The following EML2 variants were observed in gnomAD, a reference collection of about 807,000 sequenced individuals.
EML2 encodes the protein EMAP like 2, also known as echinoderm microtubule-associated protein-like 2.
EML2 carries 59 observed loss-of-function variants against 84.7 expected under a neutral mutation model. The ratio of observed to expected loss-of-function variants is 0.70; its 90% CI spans 0.56 to 0.86. The LOEUF is 0.86. Among genes scored for constraint, EML2 ranks in the 40% least tolerant of loss-of-function variants. EML2 has a pLI of 0.00. For missense variants in EML2, 818 were observed against 855.6 expected (o/e 0.96, Z 0.55); for synonymous variants, 352 against 348.9 (o/e 1.01, Z -0.10).
rs1971696736 is a variant in EML2, at chr19:45,621,507, G to A, written c.972C>T (p.Asp324=). ...RDRRVVLWGS[D]YSKLQEVEVP... is the part of the protein sequence containing the mutation. The stretch of plus-strand genomic sequence containing the variant: ...CCTCCACTTCCTGCAGCTTGCTGTA[G>A]TCAGAACCCCAGAGGACCACCCGCC... The change falls in exon 10 of 19, where the codon GAC becomes GAT. Residue 324 remains aspartate (D), a synonymous_variant. Transcript: ENST00000245925. The A allele has an allele frequency of 1.2e-6, 2 of 1,611,650 alleles. No individual in the cohort carries two copies. Among genetic ancestry groups the A allele is most frequent in the African/African-American group, 2.7e-5 (2 of 74,922 alleles).
upstream of EML2, chr19:45,641,340 C>G: frequency 2.6e-6 from 1 of 381,032 alleles, no homozygotes; most frequent in Non-Finnish European, 4.9e-6. Context: ...GGGGCCTCTC[C>G]TGTACCTTAA....
intron 6 of EML2, 51 bp from the exon 7 acceptor site, chr19:45,630,097 ATC>A: frequency 1.4e-6 from 2 of 1,383,224 alleles, no homozygotes; most frequent in Non-Finnish European, 2.0e-6. Context: ...GTCAGGGCCC[ATC>A]CTCCCCCCAT....
rs554210105 is a variant in EML2 at position 45,629,861 on chromosome 19, G to A, written c.606+90C>T. On this transcript the variant is annotated intron_variant, in intron 7 of 18. Transcript: ENST00000245925. ...AGGAGTAAAGCCAGGGCTTAAACAC[G>A]GGTCTATCTGATTGCAGACTCCTAA... 4.8e-5 allele frequency: 49 copies of A among 1,016,850 alleles called. No homozygotes were observed. In the East Asian group the frequency reaches 9.9e-4, roughly 21 times the overall value. 63.0% of individuals were successfully genotyped at this position (1,016,850 alleles called of 1,614,324 possible).
chr19:45,613,292 A>G (rs1210851849), intron 18 of EML2, among the ~76,000 whole-genome samples: 2 of 152,226 alleles, frequency 1.3e-5, no homozygotes, highest in African/African-American at 4.8e-5. Flanking sequence ...GTTAACAAGG[A>G]TAAAAGAACC....
chr19:45,621,784 GC>G, intron 9 of EML2, 147 bp from the exon 10 acceptor site: 1 of 952,370 alleles, frequency 1.1e-6, no homozygotes, highest in Non-Finnish European at 1.5e-6. Context: ...TCTCTCTGTT[GC>G]CCAGGCTGGA....
intron 6 of EML2, among the ~76,000 whole-genome samples, chr19:45,632,171 G>A (rs1973125445): frequency 6.8e-6 from 1 of 146,460 alleles, no homozygotes; most frequent in Non-Finnish European, 1.5e-5. Flanking sequence ...AGGATTACAG[G>A]CGTGAGCCAC....
upstream of EML2, chr19:45,642,498 C>A: frequency 1.4e-6 from 2 of 1,429,912 alleles, no homozygotes; most frequent in Non-Finnish European, 1.8e-6. Flanking sequence ...TGGACATGAG[C>A]CAAGGAAGAG....
At chr19:45,642,096 G>A, upstream of EML2, 2 of 1,460,418 alleles carry the variant, frequency 1.4e-6, no homozygotes, top group Non-Finnish European at 9.0e-7. Context: ...CCAGGCCCCG[G>A]TCCTCCCCAT....
intron 4 of EML2, among the ~76,000 whole-genome samples, 177 bp from the exon 5 acceptor site, chr19:45,633,316 GACTT>G (rs1003463256): frequency 8.5e-5 from 13 of 152,192 alleles, no homozygotes; most frequent in African/African-American, 2.9e-4. Flanking sequence ...TCAGAAGCAA[GACTT>G]AGGCCTGGGG....
chr19:45,642,326 T>C, upstream of EML2: 32 of 1,534,612 alleles, frequency 2.1e-5, no homozygotes, highest in Non-Finnish European at 2.8e-5. Flanking sequence ...TCCACTTCCA[T>C]ACCGCTCGTG....
chr19:45,630,788 AT>A (rs1972941059), intron 6 of EML2, among the ~76,000 whole-genome samples: 1 of 152,198 alleles, frequency 6.6e-6, no homozygotes. Context: ...TATATAGAGA[AT>A]GACTGATGTA....
chr19:45,619,282 A>T, intron 11 of EML2, 91 bp from the exon 12 acceptor site: 1 of 1,461,920 alleles, frequency 6.8e-7, no homozygotes, highest in Non-Finnish European at 9.1e-7. Context: ...GATGAGCCCC[A>T]GCAACTCACC....
chr19:45,638,000 C>T (rs981909310), intron 3 of EML2, among the ~76,000 whole-genome samples: 2 of 151,978 alleles, frequency 1.3e-5, no homozygotes, highest in Non-Finnish European at 2.9e-5. Flanking sequence ...CCTGTAAAGA[C>T]GAGGTCTTGC....
upstream of EML2, chr19:45,642,333 C>T (rs914061949): frequency 1.4e-5 from 21 of 1,531,884 alleles, no homozygotes; most frequent in Admixed American, 2.0e-5. Flanking sequence ...CCATACCGCT[C>T]GTGCCCGACA....
upstream of EML2, chr19:45,639,484 A>T (rs1328209930): frequency 8.7e-7 from 1 of 1,146,108 alleles, no homozygotes; most frequent in Non-Finnish European, 1.1e-6. Flanking sequence ...CGCCCTCCAC[A>T]GCCACCCCTG....
intron 7 of EML2, among the ~76,000 whole-genome samples, 164 bp from the exon 8 acceptor site, chr19:45,627,003 A>G (rs1972433566): frequency 7.2e-6 from 1 of 139,494 alleles, no homozygotes; most frequent in South Asian, 2.3e-4. Context: ...CCTGTCACCC[A>G]GACTGGAGTG....
chr19:45,637,298 G>C (rs1973839089), intron 3 of EML2, among the ~76,000 whole-genome samples: 1 of 152,140 alleles, frequency 6.6e-6, no homozygotes, highest in South Asian at 2.1e-4. Context: ...AATCAGGATT[G>C]TTGTCTCCTA....
rs1339844954 is a variant in EML2, at chr19:45,634,477, G to C, written c.180-6C>G. The C allele has an allele frequency of 3.1e-6, 5 of 1,610,378 alleles. No individual in the cohort carries two copies. Among genetic ancestry groups the C allele is most frequent in the Non-Finnish European group, 4.2e-6 (5 of 1,178,454 alleles). On this transcript the variant is annotated splice_polypyrimidine_tract_variant and splice_region_variant and intron_variant, in intron 3 of 18. Coordinates refer to ENST00000245925, the MANE Select transcript of EML2 (RefSeq NM_012155.4). ...CTCGGCCACGGTAGCCATAGCTGGA[G>C]CCACCCAGGGGCTGGTTAAGGAATG...
intron 14 of EML2, 44 bp downstream of exon 14, chr19:45,616,721 G>C: frequency 1.3e-6 from 2 of 1,568,322 alleles, no homozygotes; most frequent in Non-Finnish European, 1.7e-6. Flanking sequence ...CTGAGCCTCT[G>C]TCCCCTGGCC....
Sources: gnomAD v4.1 joint callset for allele counts (sites outside exome capture counted in the v4.1 genomes callset) on GRCh38, gnomAD v4.1.1 for gene constraint, MANE v1.5 for transcripts, NCBI Gene and HGNC (gene_info 2026-07-23, HGNC 2026-07-21) for gene names.